The following ATP6V1C2 variants were observed in gnomAD, a reference collection of about 807,000 sequenced individuals.
ATP6V1C2 encodes the protein ATPase H+ transporting V1 subunit C2, also known as V-type proton ATPase subunit C 2.
Under a neutral mutation model 56.8 loss-of-function variants are expected in ATP6V1C2, and 45 were observed. The ratio of observed to expected loss-of-function variants is 0.79; its 90% CI spans 0.62 to 1.02. The LOEUF is 1.02. ATP6V1C2 is among the 50% of genes least tolerant of loss of function. The pLI, the probability that ATP6V1C2 is intolerant of heterozygous loss-of-function variation, is 0.00. For synonymous variants in ATP6V1C2, 220 were observed against 201.3 expected (o/e 1.09, Z -0.79); for missense variants, 463 against 519.7 (o/e 0.89, Z 1.06).
chr2:10,723,165 C>A (rs962860907), intron 2 of ATP6V1C2, among the ~76,000 whole-genome samples, 187 bp downstream of exon 2: 7 of 152,054 alleles, frequency 4.6e-5, no homozygotes, highest in Admixed American at 1.3e-4. Context: ...GCCATAGTCC[C>A]AAATAAATTG....
intron 8 of ATP6V1C2, among the ~76,000 whole-genome samples, chr2:10,773,105 C>T (rs1481520523): frequency 1.3e-5 from 2 of 152,200 alleles, no homozygotes; most frequent in African/African-American, 4.8e-5. Context: ...CATCACGGGA[C>T]ACTGCATGGC....
intron 13 of ATP6V1C2, 76 bp from the exon 14 acceptor site, chr2:10,783,098 A>C: frequency 1.7e-6 from 2 of 1,145,120 alleles, no homozygotes; most frequent in Non-Finnish European, 2.6e-6. Flanking sequence ...GTGCCTGGCG[A>C]GCTTCCTCAA....
chr2:10,783,023 T>C (rs1665483938), intron 13 of ATP6V1C2, 151 bp from the exon 14 acceptor site: 1 of 579,072 alleles, frequency 1.7e-6, no homozygotes, highest in Non-Finnish European at 3.1e-6. Context: ...TCATACACAT[T>C]AAAGCACAGC....
Position 10,784,004 on chromosome 2 carries a change from C to CAA in ATP6V1C2, c.*742_*743dup, listed in dbSNP as rs1665566362. On this transcript the variant is annotated 3_prime_UTR_variant, in exon 14 of 14. Coordinates refer to ENST00000272238, the MANE Select transcript of ATP6V1C2 (RefSeq NM_001039362.2). ...TCAGAGAGAAAAATGTTTCGACAGC[C>CAA]AAGTTTTCTTCAAAATATTATGTGA... 2 of 314,672 alleles carry CAA rather than the reference C, an allele frequency of 6.4e-6. No homozygotes were observed. The highest frequency in any genetic ancestry group is 1.2e-5 in the Non-Finnish European group (2 of 173,584). The allele number at this position is 314,672 out of a possible 1,614,324, so 19.5% of individuals were successfully genotyped here.
Position 10,735,876 on chromosome 2 carries a change from A to T in ATP6V1C2, c.197+9307A>T, listed in dbSNP as rs538836481. On this transcript the variant is annotated intron_variant, in intron 3 of 13. Coordinates refer to ENST00000272238, the MANE Select transcript of ATP6V1C2 (RefSeq NM_001039362.2). ...AGTACTAGGATTATAGGCATGAGCC[A>T]CTGTGCCAGGCCCTCCTGGAGACCT... Among the ~76,000 whole-genome samples the T allele has an allele frequency of 4.6e-5, 7 of 152,178 alleles. No homozygotes were observed. In the South Asian group the frequency reaches 1.5e-3, roughly 32 times the overall value.
At chr2:10,757,017 T>G (rs1374088732) in intron 4 of ATP6V1C2, among the ~76,000 whole-genome samples, 11 of 137,072 alleles carry the variant, frequency 8.0e-5, no homozygotes, top group East Asian at 2.1e-4. Context: ...TTTTTTTTTT[T>G]TTTTTTTTTT....
intron 7 of ATP6V1C2, among the ~76,000 whole-genome samples, chr2:10,772,305 C>T (rs767478620): frequency 2.0e-5 from 3 of 152,104 alleles, no homozygotes; most frequent in Non-Finnish European, 2.9e-5. Flanking sequence ...TGGTTATTAG[C>T]GAGCCCCAAG....
intron 2 of ATP6V1C2, among the ~76,000 whole-genome samples, chr2:10,723,709 A>G (rs1346919159): frequency 1.3e-5 from 2 of 151,550 alleles, no homozygotes; most frequent in Admixed American, 6.6e-5. Context: ...CATGGTGGCG[A>G]GCGCCTGTAG....
At position 10,768,830 on chromosome 2, in the gene ATP6V1C2, C is replaced by T; in HGVS notation, c.470+20C>T. On this transcript the variant is annotated intron_variant, in intron 6 of 13. Coordinates refer to ENST00000272238, the MANE Select transcript of ATP6V1C2 (RefSeq NM_001039362.2). ...ATCCATGTGTGTATTTGCCAGCCTC[C>T]ACATCTGGCGGGGGCAGGTCCTGGC... is the stretch of plus-strand genomic sequence containing the variant. The T allele has an allele frequency of 6.2e-7, 1 of 1,602,912 alleles. No individual in the cohort carries two copies. Among genetic ancestry groups the T allele is most frequent in the Non-Finnish European group, 8.5e-7 (1 of 1,170,318 alleles).
chr2:10,731,050 C>G (rs1020615369), intron 3 of ATP6V1C2, among the ~76,000 whole-genome samples: 6 of 151,888 alleles, frequency 4.0e-5, no homozygotes, highest in Admixed American at 1.3e-4. Context: ...CTCTCTGGCT[C>G]AAGTGATCCT....
At chr2:10,767,442 CAT>C (rs1664297031) in intron 5 of ATP6V1C2, among the ~76,000 whole-genome samples, 1 of 151,942 alleles carries the variant, frequency 6.6e-6, no homozygotes. Context: ...GGATTTCAGA[CAT>C]GTGCCTGGCC....
chr2:10,774,433 T>A (rs1664823761), intron 8 of ATP6V1C2, among the ~76,000 whole-genome samples: 1 of 152,204 alleles, frequency 6.6e-6, no homozygotes, highest in Non-Finnish European at 1.5e-5. Context: ...TCCACCACTC[T>A]GCTTTACTAT....
intron 4 of ATP6V1C2, among the ~76,000 whole-genome samples, chr2:10,760,938 G>C (rs1663872444): frequency 6.6e-6 from 1 of 152,210 alleles, no homozygotes; most frequent in Non-Finnish European, 1.5e-5. Context: ...GTTGCCGGCG[G>C]GGGTCTGTCA....
rs1464528807 is a variant in ATP6V1C2 at position 10,766,583 on chromosome 2, GT to G, written c.379-2129del. ...ATAAAGACAAGCAGTATTTTTTTTC[GT>G]TTTTTTGTTTTTCAAAAAATATATA... On this transcript the variant is annotated intron_variant, in intron 5 of 13. Transcript: ENST00000272238. Among the ~76,000 whole-genome samples, 7 of 151,732 alleles carry G rather than the reference GT, an allele frequency of 4.6e-5. No homozygotes were observed. In the South Asian group the frequency reaches 1.2e-3, roughly 27 times the overall value.
At chr2:10,778,501 C>A (rs967904938) in intron 11 of ATP6V1C2, 71 bp from the exon 12 acceptor site, 2 of 1,467,548 alleles carry the variant, frequency 1.4e-6, no homozygotes, top group Non-Finnish European at 1.9e-6. Flanking sequence ...CTGTCAAAAC[C>A]CAAGTCCTTT....
At chr2:10,770,657 T>A (rs1189282931) in intron 6 of ATP6V1C2, among the ~76,000 whole-genome samples, 1 of 152,228 alleles carries the variant, frequency 6.6e-6, no homozygotes, top group East Asian at 1.9e-4. Context: ...GCCTCTTCGC[T>A]CAACTGGTGA....
intron 3 of ATP6V1C2, among the ~76,000 whole-genome samples, chr2:10,729,659 G>C (rs1661849382): frequency 6.6e-6 from 1 of 152,164 alleles, no homozygotes; most frequent in South Asian, 2.1e-4. Context: ...AGTTTGAGAA[G>C]AGCCTGGGCA....
In ATP6V1C2 at chr2:10,783,187, TC is replaced by T; in HGVS notation, c.1211del (p.Pro404ArgfsTer46). 6.2e-7 allele frequency: 1 copy of T among 1,613,340 alleles called. No homozygotes were observed. On this transcript the variant is annotated frameshift_variant, in exon 14 of 14. Transcript: ENST00000272238. LOFTEE classifies it high-confidence loss of function. ...ATSILDASVE[I>X]PGLQLNNQDY... ...CTTCTTTTGTAGGCATCTGTGGAGA[TC>T]CCGGGACTGCAACTCAATAACCAAG...
At chr2:10,737,431 A>G (rs1381874622) in intron 3 of ATP6V1C2, among the ~76,000 whole-genome samples, 1 of 151,956 alleles carries the variant, frequency 6.6e-6, no homozygotes, top group Non-Finnish European at 1.5e-5. Flanking sequence ...AAAAAAAAAA[A>G]AAGGAAAAAG....
Sources: allele counts gnomAD v4.1 joint callset (sites outside exome capture counted in the v4.1 genomes callset), GRCh38; gene constraint gnomAD v4.1.1; transcripts MANE v1.5; gene names NCBI Gene and HGNC (gene_info 2026-07-23, HGNC 2026-07-21).